The following USP25 variants were observed in gnomAD, a reference collection of about 807,000 sequenced individuals.
USP25 encodes the protein ubiquitin specific peptidase 25.
Under a neutral mutation model 158.5 loss-of-function variants are expected in USP25, and 85 were observed. The ratio of observed to expected loss-of-function variants is 0.54; its 90% CI spans 0.45 to 0.64. The LOEUF is 0.64. Ranked by LOEUF, USP25 falls within the 30% of genes least tolerant of loss-of-function variation. The pLI is 0.00. For missense variants in USP25, 1,242 were observed against 1,327.3 expected, an observed-to-expected ratio of 0.94 and a Z score of 1.00; for synonymous variants, 464 against 460.4, an observed-to-expected ratio of 1.01 and a Z score of -0.10.
intron 1 of USP25, among the ~76,000 whole-genome samples, chr21:15,750,966 T>C (rs531724939): frequency 2.2e-4 from 33 of 152,288 alleles, no homozygotes; most frequent in Admixed American, 1.1e-3. Flanking sequence ...ACACTGTTAG[T>C]ATACAGAAAT....
At chr21:15,736,018 A>G (rs777385229) in intron 1 of USP25, among the ~76,000 whole-genome samples, 9 of 150,458 alleles carry the variant, frequency 6.0e-5, no homozygotes, top group Non-Finnish European at 1.3e-4. Context: ...ATGTACATAT[A>G]TATATATGTA....
chr21:15,763,657 A>G (rs2033868538), intron 2 of USP25, among the ~76,000 whole-genome samples: 1 of 152,134 alleles, frequency 6.6e-6, no homozygotes, highest in African/African-American at 2.4e-5. Flanking sequence ...ACAATATAGC[A>G]TTTTTGCCAC....
At chr21:15,863,297 C>T (rs1008925315) in intron 20 of USP25, among the ~76,000 whole-genome samples, 1 of 151,874 alleles carries the variant, frequency 6.6e-6, no homozygotes, top group African/African-American at 2.4e-5. Flanking sequence ...TAAAGAAAAA[C>T]TAAGTTTAAA....
Position 15,826,893 on chromosome 21 carries a change from A to C in USP25, c.1467-84A>C. ...ATTTTTTCTTTTGAATTACAAGCCA[A>C]TTTAATACTGTGGGTTTGGCACGAT... On this transcript the variant is annotated intron_variant, in intron 13 of 25. Transcript: ENST00000400183. This position sits in a 1 kb window ranked among gnomAD's most constrained non-coding sequence, Gnocchi z 4.8. The C allele has an allele frequency of 7.1e-7, 1 of 1,411,864 alleles. No homozygotes were observed. The allele number at this position is 1,411,864 out of a possible 1,614,324, so 87.5% of individuals were successfully genotyped here. A position where few individuals can be genotyped will look rare whatever the true frequency, so the allele number is the denominator to read the frequency against.
chr21:15,834,210 A>C (rs746104734), intron 17 of USP25, among the ~76,000 whole-genome samples: 2 of 152,220 alleles, frequency 1.3e-5, no homozygotes, highest in Non-Finnish European at 2.9e-5. Flanking sequence ...AGTCAAAGTA[A>C]ACACTGTATA....
chr21:15,815,566 G>A lies in USP25; in HGVS notation c.932-3132G>A, dbSNP rs561312167. Among the ~76,000 whole-genome samples the A allele has an allele frequency of 5.3e-5, 8 of 152,292 alleles. No homozygotes were observed. The East Asian group carries it at 1.6e-3, about 30-fold the overall frequency. ...CCTACCTCTTGCATCAGTGTGACCT[G>A]GATGTGAGAGCTGGCATCCAAGGAG... On this transcript the variant is annotated intron_variant, in intron 9 of 25. Transcript: ENST00000400183.
intron 7 of USP25, 146 bp from the exon 8 acceptor site, chr21:15,808,663 C>A: frequency 5.7e-6 from 3 of 525,862 alleles, no homozygotes; most frequent in Non-Finnish European, 6.5e-6. Flanking sequence ...AAGTTTCTTG[C>A]ATTTCGTGTG....
At chr21:15,851,745 C>T (rs2038898115) in intron 20 of USP25, among the ~76,000 whole-genome samples, 1 of 151,906 alleles carries the variant, frequency 6.6e-6, no homozygotes, top group East Asian at 1.9e-4. Context: ...AATCTCCTCT[C>T]ATTCTGCCTT....
intron 5 of USP25, among the ~76,000 whole-genome samples, chr21:15,797,440 A>C (rs1348753412): frequency 6.6e-6 from 1 of 151,482 alleles, no homozygotes; most frequent in Non-Finnish European, 1.5e-5. Flanking sequence ...TGATACCTTT[A>C]AACATCAAGT....
chr21:15,763,087 A>C, intron 2 of USP25, 119 bp downstream of exon 2: 1 of 888,780 alleles, frequency 1.1e-6, no homozygotes, highest in Non-Finnish European at 1.6e-6. Flanking sequence ...GAGATACAGG[A>C]ATGGACTTTG....
Position 15,766,024 on chromosome 21 carries a change from G to T in USP25, c.151G>T (p.Val51Leu). The T allele has an allele frequency of 1.2e-6, 2 of 1,607,180 alleles. No homozygotes were observed. Among genetic ancestry groups the T allele is most frequent in the Non-Finnish European group, 1.7e-6 (2 of 1,176,596 alleles). Residue 51 changes from valine (V) to leucine (L), a missense_variant, in exon 3 of 26, where the codon GTG (valine) becomes TTG (leucine). Val to Leu is a conservative substitution (Grantham distance 32, BLOSUM62 1). Around this residue, in one of 3 missense-constraint regions of USP25, gnomAD observed 627 missense variants for 701.4 expected, o/e 0.89. Coordinates refer to ENST00000400183, the MANE Select transcript of USP25 (RefSeq NM_001283041.3). This position sits in a 1 kb window ranked among gnomAD's most constrained non-coding sequence, Gnocchi z 4.0. ...TAGTAATGGAAACTTGGAATTAGCAGTGGCTTTCCTTACTGCGAAGAATGC... is the reference window on the plus strand; with the variant it reads ...TAGTAATGGAAACTTGGAATTAGCATTGGCTTTCCTTACTGCGAAGAATGC... ...KDSNGNLELA[V>L]AFLTAKNAKT... is the part of the protein sequence containing the mutation.
intron 1 of USP25, among the ~76,000 whole-genome samples, chr21:15,734,624 A>C (rs1168032087): frequency 3.3e-5 from 5 of 152,002 alleles, no homozygotes; most frequent in Admixed American, 2.6e-4. Context: ...TATCCTTTAC[A>C]AATACTTAAT....
intron 1 of USP25, among the ~76,000 whole-genome samples, chr21:15,747,914 C>G (rs916507123): frequency 6.6e-6 from 1 of 152,152 alleles, no homozygotes; most frequent in South Asian, 2.1e-4. Flanking sequence ...TTCACGATGT[C>G]TTTTTATTCT....
intron 8 of USP25, among the ~76,000 whole-genome samples, chr21:15,810,105 T>C (rs1169126193): frequency 6.6e-6 from 1 of 152,154 alleles, no homozygotes; most frequent in East Asian, 1.9e-4. Flanking sequence ...ATTACCGAAC[T>C]GTACAGTTAA....
At position 15,748,528 on chromosome 21, in the gene USP25, G is replaced by A. The variant is rs1228694991; in HGVS notation, c.46-14363G>A. On this transcript the variant is annotated intron_variant, in intron 1 of 25. Transcript: ENST00000400183. Reference sequence around the variant, plus strand: ...TTTCCCAGGCTGGTCTTGAATTCCTGGTGTTAAGCAAACCTTTCACTTTGG... The same window carrying A: ...TTTCCCAGGCTGGTCTTGAATTCCTAGTGTTAAGCAAACCTTTCACTTTGG... 2.9e-5 allele frequency among the ~76,000 whole-genome samples: 4 copies of A among 136,214 alleles called. No homozygotes were observed. The East Asian group carries it at 8.7e-4, about 30-fold the overall frequency. 89.4% of individuals were successfully genotyped at this position (136,214 alleles called of 152,430 possible). A position where few individuals can be genotyped will look rare whatever the true frequency, so the allele number is the denominator to read the frequency against.
rs74908719 is a variant in USP25 at position 15,855,454 on chromosome 21, G to A, written c.2547+5582G>A. ...CTTATTTACATGGCCTTTAAGGAAT[G>A]TGAAGAGGAAGAATTATTTATCAAC... is the stretch of plus-strand genomic sequence containing the variant. On this transcript the variant is annotated intron_variant, in intron 20 of 25. Transcript: ENST00000400183. 9.2e-3 allele frequency among the ~76,000 whole-genome samples: 1,405 copies of A among 152,244 alleles called. 19 individuals are homozygous for A. Among genetic ancestry groups the A allele is most frequent in the African/African-American group, 0.032 (1,345 of 41,526 alleles).
At position 15,870,104 on chromosome 21, in the gene USP25, A is replaced by G; in HGVS notation, c.2842A>G (p.Thr948Ala). Residue 948 changes from threonine (T) to alanine (A), a missense_variant, in exon 23 of 26, where the codon ACT becomes GCT. By Grantham distance (58) the Thr-to-Ala change is moderately conservative. Around this residue, in one of 3 missense-constraint regions of USP25, gnomAD observed 608 missense variants for 605.2 expected, o/e 1.00. Coordinates refer to ENST00000400183, the MANE Select transcript of USP25 (RefSeq NM_001283041.3). ...HQDYRKFRET[T>A]MYLIIGLENF... Reference sequence around the variant, plus strand: ...GGATTATAGGAAATTCAGGGAAACAACTATGTATCTCATAATTGGGCTAGA... The same window carrying G: ...GGATTATAGGAAATTCAGGGAAACAGCTATGTATCTCATAATTGGGCTAGA... 1.2e-6 allele frequency: 2 copies of G among 1,610,492 alleles called. No individual in the cohort carries two copies. Among genetic ancestry groups the G allele is most frequent in the Non-Finnish European group, 1.7e-6 (2 of 1,178,436 alleles).
chr21:15,741,356 G>T (rs1240585236), intron 1 of USP25, among the ~76,000 whole-genome samples: 1 of 149,184 alleles, frequency 6.7e-6, no homozygotes, highest in Non-Finnish European at 1.5e-5. Flanking sequence ...GCAGGTCTTT[G>T]AGACGTATTT....
At chr21:15,873,484 C>T (rs972928329) in intron 23 of USP25, among the ~76,000 whole-genome samples, 1 of 151,762 alleles carries the variant, frequency 6.6e-6, no homozygotes, top group Non-Finnish European at 1.5e-5. Flanking sequence ...ATTAATATAA[C>T]ACATATGCCT....
Sources: gnomAD v4.1 joint callset for allele counts (sites outside exome capture counted in the v4.1 genomes callset) on GRCh38, gnomAD v4.1.1 for gene constraint, gnomAD v4.1.1 regional missense constraint, Gnocchi (gnomAD v3.1) non-coding constraint, MANE v1.5 for transcripts, NCBI Gene and HGNC (gene_info 2026-07-23, HGNC 2026-07-21) for gene names.